COG2: variants seen among roughly 807,000 people sequenced by gnomAD.
The protein encoded by COG2 is component of oligomeric golgi complex 2.
A neutral mutation model predicts 90.6 loss-of-function variants in COG2; 52 were observed. The ratio of observed to expected loss-of-function variants is 0.57; its 90% confidence interval spans 0.46 to 0.72. The LOEUF (loss-of-function observed/expected upper bound fraction) is 0.72. COG2 is among the 30% of genes least tolerant of loss of function. The pLI, the probability that COG2 is intolerant of heterozygous loss-of-function variation, is 0.00. For synonymous variants in COG2, 337 were observed against 320.4 expected, an observed-to-expected ratio of 1.05 and a Z score of -0.55; for missense variants, 829 against 891.2, an observed-to-expected ratio of 0.93 and a Z score of 0.89.
intron 1 of COG2, among the ~76,000 whole-genome samples, chr1:230,644,329 TGAA>T (rs1440266029): frequency 2.0e-5 from 3 of 152,212 alleles, no homozygotes; most frequent in Non-Finnish European, 2.9e-5. Flanking sequence ...AGGTGGAGCT[TGAA>T]GATAAAGGTT....
In COG2 at chr1:230,654,208, G is replaced by A. The variant is rs558075470; in HGVS notation, c.73-5256G>A. Among the ~76,000 whole-genome samples, 14 of 152,288 alleles carry A rather than the reference G, an allele frequency of 9.2e-5. No individual in the cohort carries two copies. The South Asian group carries it at 1.9e-3, about 20-fold the overall frequency. On this transcript the variant is annotated intron_variant, in intron 1 of 17. Transcript: ENST00000366669. ...GTCTGCCCTGCCTATGTCCTGAATG[G>A]TATTGTCTAGGTTTTCTTATAGGAT...
chr1:230,685,177 C>G lies in COG2; in HGVS notation c.1321C>G (p.His441Asp), dbSNP rs765707342. 2 of 1,614,178 alleles carry G rather than the reference C, an allele frequency of 1.2e-6. No homozygotes were observed. Among genetic ancestry groups the G allele is most frequent in the Non-Finnish European group, 1.7e-6 (2 of 1,180,026 alleles). The part of the protein sequence containing the change: ...SDEMFLPLLV[H>D]RLWRLTLQIL... ...TGAGATGTTCTTGCCATTACTGGTG[C>G]ATCGCCTGTGGAGACTCACTCTGCA... Residue 441 changes from histidine to aspartate, a missense_variant, in exon 12 of 18, where the codon CAT becomes GAT. His to Asp is a moderately conservative substitution (Grantham distance 81, BLOSUM62 -1). Coordinates refer to ENST00000366669, the MANE Select transcript of COG2 (RefSeq NM_007357.3).
rs377285547 is a variant in COG2 at position 230,668,694 on chromosome 1, A to G, written c.504A>G (p.Gln168=). 1.2e-4 allele frequency: 194 copies of G among 1,611,364 alleles called. No individual in the cohort carries two copies. The highest frequency in any genetic ancestry group is 1.5e-4 in the Non-Finnish European group (181 of 1,178,658). Residue 168 remains glutamine, a synonymous_variant, in exon 6 of 18, where the codon CAA becomes CAG. Transcript: ENST00000366669. ...LEASSPLLTG[Q]ILERIATEFN... ...CTACTAGCCCCCTTTTGACTGGACA[A>G]ATTTTGGAGAGAATTGCCACAGAAT...
chr1:230,668,467 C>T (rs1258512478), intron 5 of COG2, among the ~76,000 whole-genome samples: 1 of 152,152 alleles, frequency 6.6e-6, no homozygotes, highest in Non-Finnish European at 1.5e-5. Context: ...GCACTTAGAA[C>T]ATGCTGTGCA....
Position 230,668,553 on chromosome 1 carries a change from A to C in COG2, c.486-123A>C, listed in dbSNP as rs41271495. On this transcript the variant is annotated intron_variant, in intron 5 of 17. Coordinates refer to ENST00000366669, the MANE Select transcript of COG2 (RefSeq NM_007357.3). The stretch of plus-strand genomic sequence containing the variant: ...CACCTTGTAACAAGGTGGCCACATA[A>C]AACACTCTGACAAAAGTCAAAATAC... 4.9e-3 allele frequency: 3,016 copies of C among 620,594 alleles called. 10 individuals carry two copies. Among genetic ancestry groups the C allele is most frequent in the Non-Finnish European group, 6.7e-3 (2,390 of 355,448 alleles). 38.4% of individuals were successfully genotyped at this position (620,594 alleles called of 1,614,324 possible). A position where few individuals can be genotyped will look rare whatever the true frequency, so the allele number is the denominator to read the frequency against.
At chr1:230,643,233 C>T (rs1248349248) in intron 1 of COG2, among the ~76,000 whole-genome samples, 1 of 152,206 alleles carries the variant, frequency 6.6e-6, no homozygotes, top group Middle Eastern at 3.2e-3. Flanking sequence ...AGTTGCTCTA[C>T]TTTTTACGTG....
intron 1 of COG2, among the ~76,000 whole-genome samples, chr1:230,645,715 G>C (rs1296109935): frequency 6.6e-6 from 1 of 152,204 alleles, no homozygotes; most frequent in African/African-American, 2.4e-5. Flanking sequence ...TGTAGAATCA[G>C]TGGGAGCTCT....
intron 1 of COG2, among the ~76,000 whole-genome samples, chr1:230,650,464 A>G (rs1324236800): frequency 6.6e-6 from 1 of 152,030 alleles, no homozygotes; most frequent in Non-Finnish European, 1.5e-5. Context: ...GTTATGTTGG[A>G]CATTTTTTCA....
Position 230,690,335 on chromosome 1 carries a change from C to A in COG2, c.1934+182C>A, listed in dbSNP as rs1571966277. On this transcript the variant is annotated intron_variant, in intron 16 of 17. Transcript: ENST00000366669. ...TCCCTCCCCACACCCTTGTGGACGG[C>A]CTGTGGGCTGGCTTCCTCTGCCTGG... 5.9e-5 allele frequency: 31 copies of A among 521,784 alleles called. No homozygotes were observed. In the East Asian group the frequency reaches 1.1e-3, roughly 18 times the overall value. 32.3% of individuals were successfully genotyped at this position (521,784 alleles called of 1,614,324 possible). A position where few individuals can be genotyped will look rare whatever the true frequency, so the allele number is the denominator to read the frequency against.
chr1:230,659,386 C>T lies in COG2; in HGVS notation c.73-78C>T. The T allele has an allele frequency of 3.4e-6, 4 of 1,189,422 alleles. No individual in the cohort carries two copies. The East Asian group carries it at 7.0e-5, about 21-fold the overall frequency. The allele number at this position is 1,189,422 out of a possible 1,614,324, so 73.7% of individuals were successfully genotyped here. ...TAAATGACGGGAATGGGCTTTCTTA[C>T]TCTTTCTTCCATTTCATTTGTATAT... On this transcript the variant is annotated intron_variant, in intron 1 of 17. Coordinates refer to ENST00000366669, the MANE Select transcript of COG2 (RefSeq NM_007357.3).
chr1:230,669,648 A>G, intron 7 of COG2, 113 bp downstream of exon 7: 2 of 907,036 alleles, frequency 2.2e-6, no homozygotes, highest in South Asian at 3.9e-5. Context: ...AAAGATTCTC[A>G]GTTCCTACAG....
intron 9 of COG2, chr1:230,678,356 G>A (rs1267900088): frequency 3.0e-6 from 3 of 985,372 alleles, no homozygotes; most frequent in Non-Finnish European, 3.6e-6. Flanking sequence ...CGTTTTGTGG[G>A]TTAAATTAAA....
chr1:230,642,770 C>G, intron 1 of COG2, 92 bp downstream of exon 1: 2 of 1,248,160 alleles, frequency 1.6e-6, no homozygotes, highest in Non-Finnish European at 2.3e-6. Context: ...CTGCTCCTGC[C>G]TGCGCACGCT....
chr1:230,666,681 A>G (rs781367043), intron 5 of COG2, among the ~76,000 whole-genome samples: 1 of 152,078 alleles, frequency 6.6e-6, no homozygotes. Context: ...TAATTTTACT[A>G]TGTATGGCCA....
intron 1 of COG2, among the ~76,000 whole-genome samples, chr1:230,652,922 G>T (rs548019885): frequency 5.8e-4 from 89 of 152,212 alleles, no homozygotes; most frequent in Admixed American, 1.3e-3. Context: ...TGATTATTTG[G>T]TAATGTGTAT....
intron 1 of COG2, among the ~76,000 whole-genome samples, chr1:230,656,341 T>C (rs928277410): frequency 2.0e-5 from 3 of 152,232 alleles, no homozygotes; most frequent in Non-Finnish European, 2.9e-5. Context: ...AACATCTTTA[T>C]TTCTGCCTTC....
intron 11 of COG2, 125 bp downstream of exon 11, chr1:230,683,760 T>A: frequency 1.5e-6 from 1 of 675,738 alleles, no homozygotes; most frequent in Non-Finnish European, 2.6e-6. Flanking sequence ...ATACAGTAAG[T>A]TGGACCTTAA....
At chr1:230,690,242 A>G (rs1225837275) in intron 16 of COG2, 89 bp downstream of exon 16, 1 of 1,158,856 alleles carries the variant, frequency 8.6e-7, no homozygotes, top group Non-Finnish European at 1.2e-6. Flanking sequence ...GCGTATGGAT[A>G]AGGCAGTGAG....
intron 1 of COG2, among the ~76,000 whole-genome samples, chr1:230,648,375 A>AT (rs1443736814): frequency 7.9e-5 from 12 of 152,206 alleles, no homozygotes; most frequent in Admixed American, 7.9e-4. Flanking sequence ...TCATGGTTTC[A>AT]TTTTTGGTCT....
Sources: allele counts gnomAD v4.1 joint callset (sites outside exome capture counted in the v4.1 genomes callset), GRCh38; gene constraint gnomAD v4.1.1; transcripts MANE v1.5; gene names NCBI Gene and HGNC (gene_info 2026-07-23, HGNC 2026-07-21).